The following DMD variants were observed in gnomAD, a reference collection of about 807,000 sequenced individuals.
DMD encodes mutant dystrophin.
In DMD, 63 loss-of-function variants were observed where a neutral mutation model predicts 330.1. That is an observed-to-expected ratio of 0.19 (90% CI 0.16 to 0.24). DMD has a LOEUF of 0.24. Among genes scored for constraint, DMD ranks in the 10% least tolerant of loss-of-function variants. The probability of loss-of-function intolerance (pLI) is 1.00; values close to 1 mark genes in which losing one functional copy is unlikely to be tolerated. For synonymous variants in DMD, 1,223 were observed against 959.8 expected (o/e 1.27, Z -5.07); for missense variants, 3,344 against 2,684.1 (o/e 1.25, Z -5.43).
chrX:31,835,251 C>A (rs1332992267), intron 49 of DMD, among the ~76,000 whole-genome samples: 1 of 112,127 alleles, frequency 8.9e-6, no homozygotes, highest in Non-Finnish European at 1.9e-5. Flanking sequence ...TAGTGACAAA[C>A]CTTAATTCAT....
At position 31,959,347 on chromosome X, in the gene DMD, C is replaced by T. The variant is rs189387961; in HGVS notation, c.6614+8992G>A. Among the ~76,000 whole-genome samples, 3 of 112,140 alleles carry T rather than the reference C, an allele frequency of 2.7e-5. No individual in the cohort carries two copies. The East Asian group carries it at 8.4e-4, about 32-fold the overall frequency. ...TTTCATTTGTCATGGCGTCATTTTT[C>T]AGCCTTCCTACATATAAAAGGAAGT... On this transcript the variant is annotated intron_variant, in intron 45 of 78. Transcript: ENST00000357033.
intron 17 of DMD, among the ~76,000 whole-genome samples, chrX:32,543,772 G>C (rs898370842): frequency 1.7e-4 from 19 of 111,664 alleles, no homozygotes; most frequent in African/African-American, 5.5e-4. Flanking sequence ...TATTCATAGA[G>C]TTTGAGAGCC....
intron 43 of DMD, among the ~76,000 whole-genome samples, chrX:32,229,140 T>C (rs2147960095): frequency 9.0e-6 from 1 of 111,028 alleles, no homozygotes; most frequent in African/African-American, 3.3e-5. Context: ...TATTAGCTTG[T>C]GAAAGAGAAA....
At position 32,452,297 on chromosome X, in the gene DMD, AGGAAAG is replaced by A. The variant is rs1381391935; in HGVS notation, c.3603+2359_3603+2364del. On this transcript the variant is annotated intron_variant, in intron 26 of 78. Coordinates refer to ENST00000357033, the MANE Select transcript of DMD (RefSeq NM_004006.3). ...ACAATGGAAAAGAAAGGAAAGGAAAAGGAAAGGGAAAGTGAAAGTGAAAGTGAAAGT... is the reference window on the plus strand; with the variant it reads ...ACAATGGAAAAGAAAGGAAAGGAAAAGGAAAGTGAAAGTGAAAGTGAAAGT... Among the ~76,000 whole-genome samples, 118 of 19,703 alleles carry A rather than the reference AGGAAAG, an allele frequency of 6.0e-3. 11 individuals are homozygous for A. Among genetic ancestry groups the A allele is most frequent in the East Asian group, 9.3e-3 (2 of 216 alleles). The allele number at this position is 19,703 out of a possible 115,157, so 17.1% of individuals were successfully genotyped here.
At chrX:32,499,709 T>A (rs2043847485) in intron 19 of DMD, among the ~76,000 whole-genome samples, 1 of 111,390 alleles carries the variant, frequency 9.0e-6, no homozygotes, top group African/African-American at 3.3e-5. Flanking sequence ...TCATTTGTCT[T>A]TCAGCTTCAT....
chrX:32,545,957 T>C (rs1429051032), intron 16 of DMD, among the ~76,000 whole-genome samples: 1 of 109,534 alleles, frequency 9.1e-6, no homozygotes, highest in Non-Finnish European at 1.9e-5. Context: ...AAAAACACAC[T>C]ACTCTTGTTT....
intron 19 of DMD, among the ~76,000 whole-genome samples, chrX:32,498,228 A>T (rs1195633529): frequency 3.6e-5 from 4 of 111,330 alleles, no homozygotes; most frequent in Non-Finnish European, 5.7e-5. Context: ...AGCTATCCAA[A>T]AATGTCTCTA....
intron 52 of DMD, among the ~76,000 whole-genome samples, chrX:31,721,744 A>C (rs1040336782): frequency 5.6e-5 from 5 of 88,636 alleles, no homozygotes; most frequent in African/African-American, 8.6e-5. Context: ...ATATATATAT[A>C]TCTCCTAATT....
chrX:32,619,420 CT>C (rs1429428433), intron 11 of DMD, among the ~76,000 whole-genome samples: 2 of 111,102 alleles, frequency 1.8e-5, no homozygotes, highest in African/African-American at 6.5e-5. Flanking sequence ...TGAAAATATA[CT>C]CTTGAAAAAT....
Position 31,642,645 on chromosome X carries a change from A to T in DMD, c.8028-14783T>A, listed in dbSNP as rs550422629. 4.5e-4 allele frequency among the ~76,000 whole-genome samples: 48 copies of T among 106,745 alleles called. No homozygotes were observed. The South Asian group carries it at 0.015, about 34-fold the overall frequency. The allele number at this position is 106,745 out of a possible 115,157, so 92.7% of individuals were successfully genotyped here. On this transcript the variant is annotated intron_variant, in intron 54 of 78. Coordinates refer to ENST00000357033, the MANE Select transcript of DMD (RefSeq NM_004006.3). ...TAATGCTCACAGAAGCATAGTTATC[A>T]TTTTTTTTTTAGTGAGTCACAGAAT... is the stretch of plus-strand genomic sequence containing the variant.
chrX:32,672,740 A>G (rs1427645776), intron 9 of DMD, among the ~76,000 whole-genome samples: 1 of 110,991 alleles, frequency 9.0e-6, no homozygotes, highest in African/African-American at 3.3e-5. Context: ...ACATAAGCAA[A>G]GAAAAAAATG....
chrX:33,153,010 G>A (rs1354530967), intron 1 of DMD, among the ~76,000 whole-genome samples: 1 of 112,690 alleles, frequency 8.9e-6, no homozygotes, highest in Non-Finnish European at 1.9e-5. Flanking sequence ...GTTCTGTATT[G>A]TTCTCATTAA....
chrX:33,008,793 C>CATATATATACGTATATATGT (rs2093452504), intron 2 of DMD, among the ~76,000 whole-genome samples: 2 of 58,149 alleles, frequency 3.4e-5, no homozygotes, highest in Non-Finnish European at 6.4e-5. Context: ...ACTATATATA[C>CATATATATACGTATATATGT]GTATATATAC....
intron 54 of DMD, among the ~76,000 whole-genome samples, chrX:31,656,301 A>C (rs1053262771): frequency 5.3e-5 from 6 of 112,383 alleles, no homozygotes; most frequent in Non-Finnish European, 1.1e-4. Flanking sequence ...AAGCCAAAAA[A>C]TATAAACTGG....
At chrX:31,143,791 G>T (rs2036365361) in intron 76 of DMD, among the ~76,000 whole-genome samples, 1 of 111,171 alleles carries the variant, frequency 9.0e-6, no homozygotes, top group Non-Finnish European at 1.9e-5. Context: ...AGCACCCAGG[G>T]CTCTGAATCT....
chrX:32,337,778 C>T (rs1299083151), intron 41 of DMD, among the ~76,000 whole-genome samples: 1 of 110,914 alleles, frequency 9.0e-6, no homozygotes, highest in Non-Finnish European at 1.9e-5. Flanking sequence ...ATTTCTCTCT[C>T]TTTACACAGG....
At position 32,978,399 on chromosome X, in the gene DMD, C is replaced by A. The variant is rs374505178; in HGVS notation, c.93+41740G>T. 2.5e-4 allele frequency among the ~76,000 whole-genome samples: 28 copies of A among 112,335 alleles called. No individual in the cohort carries two copies. The East Asian group carries it at 4.2e-3, about 17-fold the overall frequency. Reference sequence around the variant, plus strand: ...ATTTCTGCCTTTATCTCAGGAAATTCCAAGTGAGTATGAAGCTCATGCTCC... The same window carrying A: ...ATTTCTGCCTTTATCTCAGGAAATTACAAGTGAGTATGAAGCTCATGCTCC... On this transcript the variant is annotated intron_variant, in intron 2 of 78. Coordinates refer to ENST00000357033, the MANE Select transcript of DMD (RefSeq NM_004006.3).
chrX:32,893,180 C>T (rs1041056356), intron 2 of DMD, among the ~76,000 whole-genome samples: 8 of 111,922 alleles, frequency 7.1e-5, no homozygotes, highest in African/African-American at 2.6e-4. Flanking sequence ...TTTGATTATT[C>T]GGTTGGTCAG....
chrX:31,388,166 AT>A lies in DMD; in HGVS notation c.9085-39533del, dbSNP rs781685635. Among the ~76,000 whole-genome samples the A allele has an allele frequency of 3.3e-3, 342 of 104,210 alleles. 2 individuals carry two copies. The East Asian group carries it at 0.041, about 12-fold the overall frequency. The allele number at this position is 104,210 out of a possible 115,157, so 90.5% of individuals were successfully genotyped here. A position where few individuals can be genotyped will look rare whatever the true frequency, so the allele number is the denominator to read the frequency against. On this transcript the variant is annotated intron_variant, in intron 60 of 78. Transcript: ENST00000357033. ...AGGTGCCCACCACCAAGCCCGGCTA[AT>A]TTTTTTTTTGTATTTTTAGTAGAGA...
Sources: allele counts gnomAD v4.1 joint callset (sites outside exome capture counted in the v4.1 genomes callset), GRCh38; gene constraint gnomAD v4.1.1; transcripts MANE v1.5; gene names NCBI Gene and HGNC (gene_info 2026-07-23, HGNC 2026-07-21).